Variants in IL1RAPL1 observed in about 807,000 individuals in gnomAD.
The protein encoded by IL1RAPL1 is interleukin 1 receptor accessory protein like 1, also known as interleukin-1 receptor accessory protein-like 1.
In IL1RAPL1, 3 loss-of-function variants were observed where a neutral mutation model predicts 48.4. That is an observed-to-expected ratio of 0.06 (90% confidence interval 0.03 to 0.16). IL1RAPL1 has a LOEUF of 0.16. IL1RAPL1 is among the 10% of genes least tolerant of loss of function. The pLI is 1.00. For missense variants in IL1RAPL1, 349 were observed against 530.6 expected (o/e 0.66, Z 3.36); for synonymous variants, 185 against 187.7 (o/e 0.99, Z 0.12).
chrX:28,737,159 TTC>T (rs1935842287), intron 1 of IL1RAPL1, among the ~76,000 whole-genome samples: 3 of 43,009 alleles, frequency 7.0e-5, no homozygotes, highest in East Asian at 8.0e-4. Context: ...CCTTCCTTCC[TTC>T]CTTCCTTCCT....
chrX:29,803,256 C>T (rs1222359148), intron 6 of IL1RAPL1, among the ~76,000 whole-genome samples: 6 of 33,587 alleles, frequency 1.8e-4, no homozygotes, highest in Non-Finnish European at 3.4e-4. Context: ...TACATATACA[C>T]ACATGTATAT....
chrX:29,284,179 C>T (rs1286121130), intron 3 of IL1RAPL1, among the ~76,000 whole-genome samples: 1 of 111,532 alleles, frequency 9.0e-6, no homozygotes, highest in East Asian at 2.8e-4. Context: ...AAAAATTTAC[C>T]GCTCCTGAAA....
intron 5 of IL1RAPL1, among the ~76,000 whole-genome samples, chrX:29,443,351 T>G (rs1486814627): frequency 9.0e-6 from 1 of 110,961 alleles, no homozygotes; most frequent in Non-Finnish European, 1.9e-5. Context: ...AGTTTTTTCT[T>G]CTTGTCTCTA....
intron 2 of IL1RAPL1, among the ~76,000 whole-genome samples, chrX:28,797,785 C>T (rs761555187): frequency 4.5e-5 from 5 of 111,774 alleles, no homozygotes; most frequent in Non-Finnish European, 7.5e-5. Context: ...CTGCATTTTC[C>T]GGTATCTTTT....
intron 1 of IL1RAPL1, among the ~76,000 whole-genome samples, chrX:28,666,204 A>G (rs1025402579): frequency 8.9e-6 from 1 of 112,040 alleles, no homozygotes; most frequent in Non-Finnish European, 1.9e-5. Flanking sequence ...CTGCTGCAGG[A>G]TGCCCGGTGA....
intron 6 of IL1RAPL1, among the ~76,000 whole-genome samples, chrX:29,877,773 T>G (rs969233754): frequency 8.9e-6 from 1 of 111,766 alleles, no homozygotes; most frequent in African/African-American, 3.2e-5. Context: ...TTTTCAAAAT[T>G]ATTTAAACAG....
At chrX:29,332,584 T>A (rs1029165490) in intron 3 of IL1RAPL1, among the ~76,000 whole-genome samples, 5 of 103,733 alleles carry the variant, frequency 4.8e-5, no homozygotes, top group Non-Finnish European at 9.9e-5. Flanking sequence ...GGAAATCAGG[T>A]AACATGGGAG....
intron 2 of IL1RAPL1, among the ~76,000 whole-genome samples, chrX:29,144,577 T>C (rs1365115142): frequency 1.3e-5 from 1 of 77,263 alleles, no homozygotes; most frequent in Non-Finnish European, 2.3e-5. Context: ...CATTCCAGCC[T>C]GGGCGACAAG....
At chrX:29,686,993 AC>A (rs1316035628) in intron 6 of IL1RAPL1, among the ~76,000 whole-genome samples, 4 of 109,995 alleles carry the variant, frequency 3.6e-5, no homozygotes, top group South Asian at 7.7e-4. Flanking sequence ...AAAAAAAAAA[AC>A]AAAAGATAAC....
chrX:29,687,040 A>C (rs1386221713), intron 6 of IL1RAPL1, among the ~76,000 whole-genome samples: 1 of 111,242 alleles, frequency 9.0e-6, no homozygotes, highest in Non-Finnish European at 1.9e-5. Context: ...AAACCCTTCC[A>C]TACTGCTGGT....
chrX:29,355,765 G>A (rs1398791285), intron 3 of IL1RAPL1, among the ~76,000 whole-genome samples: 1 of 111,876 alleles, frequency 8.9e-6, no homozygotes, highest in Non-Finnish European at 1.9e-5. Context: ...ATTCAGTATA[G>A]TACATCTCTT....
intron 6 of IL1RAPL1, among the ~76,000 whole-genome samples, chrX:29,810,062 T>C (rs943767106): frequency 3.6e-5 from 4 of 111,894 alleles, no homozygotes; most frequent in Non-Finnish European, 7.5e-5. Flanking sequence ...ATTGTTATGC[T>C]CTTGAAGGTA....
At chrX:29,145,674 C>A (rs1929336765) in intron 2 of IL1RAPL1, among the ~76,000 whole-genome samples, 1 of 112,034 alleles carries the variant, frequency 8.9e-6, no homozygotes. Flanking sequence ...ACCTCATCCT[C>A]ACGTGGTGGA....
chrX:29,733,305 C>T (rs1352736227), intron 6 of IL1RAPL1, among the ~76,000 whole-genome samples: 4 of 112,090 alleles, frequency 3.6e-5, no homozygotes, highest in East Asian at 5.6e-4. Context: ...AAAACAAGGA[C>T]GACTTCTTCC....
intron 5 of IL1RAPL1, among the ~76,000 whole-genome samples, chrX:29,418,862 T>G (rs1934256531): frequency 8.9e-6 from 1 of 112,334 alleles, no homozygotes; most frequent in Admixed American, 9.4e-5. Context: ...ATCTAATTTG[T>G]CTTTGAGTTA....
intron 1 of IL1RAPL1, among the ~76,000 whole-genome samples, chrX:28,711,776 G>A (rs1230194260): frequency 9.4e-6 from 1 of 106,905 alleles, no homozygotes; most frequent in Non-Finnish European, 1.9e-5. Context: ...TATAATAAAT[G>A]TATATAAAAT....
At chrX:29,097,697 GA>G (rs199601514) in intron 2 of IL1RAPL1, among the ~76,000 whole-genome samples, 58 of 108,069 alleles carry the variant, frequency 5.4e-4, no homozygotes, top group African/African-American at 1.9e-3. Context: ...CAACTACACT[GA>G]AAAAAAAATA....
At chrX:29,287,471 G>T (rs906843846) in intron 3 of IL1RAPL1, among the ~76,000 whole-genome samples, 12 of 112,491 alleles carry the variant, frequency 1.1e-4, no homozygotes, top group Non-Finnish European at 2.3e-4. Context: ...AATGGTAGTT[G>T]TGTGCTTAGT....
At chrX:29,193,331 T>G (rs985889251) in intron 2 of IL1RAPL1, among the ~76,000 whole-genome samples, 1 of 111,159 alleles carries the variant, frequency 9.0e-6, no homozygotes, top group African/African-American at 3.3e-5. Flanking sequence ...ATGTCTTATA[T>G]AACACAAATT....
Sources: gnomAD v4.1 joint callset for allele counts (sites outside exome capture counted in the v4.1 genomes callset) on GRCh38, gnomAD v4.1.1 for gene constraint, MANE v1.5 for transcripts, NCBI Gene and HGNC (gene_info 2026-07-23, HGNC 2026-07-21) for gene names.